The following TAOK3 variants were observed in gnomAD, a reference collection of about 807,000 sequenced individuals.
The protein encoded by TAOK3 is TAO kinase 3.
Under a neutral mutation model 120.4 loss-of-function variants are expected in TAOK3, and 40 were observed. That is an observed-to-expected ratio of 0.33 (90% CI 0.26 to 0.43). TAOK3 has a LOEUF of 0.43. Among genes scored for constraint, TAOK3 ranks in the 20% least tolerant of loss-of-function variants. The pLI, the probability that TAOK3 is intolerant of heterozygous loss-of-function variation, is 1.00. For synonymous variants in TAOK3, 355 were observed against 387.5 expected, an observed-to-expected ratio of 0.92 and a Z score of 0.99; for missense variants, 821 against 1,112.1, an observed-to-expected ratio of 0.74 and a Z score of 3.72.
chr12:118,182,240 T>A (rs969122320), intron 14 of TAOK3, among the ~76,000 whole-genome samples: 2 of 152,062 alleles, frequency 1.3e-5, no homozygotes, highest in Non-Finnish European at 2.9e-5. Context: ...GTTTACATAT[T>A]TTTGATATAC....
At chr12:118,165,177 A>C (rs1168657852) in intron 17 of TAOK3, among the ~76,000 whole-genome samples, 1 of 151,964 alleles carries the variant, frequency 6.6e-6, no homozygotes, top group African/African-American at 2.4e-5. Flanking sequence ...TAGACCATCA[A>C]ATTTCTTTTT....
chr12:118,195,966 C>T (rs569396098), intron 13 of TAOK3, among the ~76,000 whole-genome samples: 135 of 152,162 alleles, frequency 8.9e-4, no homozygotes, highest in Middle Eastern at 3.4e-3. Context: ...AGGAGAATGG[C>T]GTGAACGCAG....
chr12:118,369,651 T>G (rs1228082391), intron 1 of TAOK3, among the ~76,000 whole-genome samples: 1 of 152,224 alleles, frequency 6.6e-6, no homozygotes, highest in Non-Finnish European at 1.5e-5. Flanking sequence ...ATACATTATA[T>G]GCATTGCAAA....
chr12:118,367,782 G>C (rs549310065), intron 1 of TAOK3, among the ~76,000 whole-genome samples: 12 of 150,378 alleles, frequency 8.0e-5, no homozygotes, highest in African/African-American at 2.9e-4. Flanking sequence ...TTTTTTTGGC[G>C]GGGGGTGGGG....
At chr12:118,287,769 C>CT (rs1234675277) in intron 1 of TAOK3, among the ~76,000 whole-genome samples, 3 of 152,124 alleles carry the variant, frequency 2.0e-5, no homozygotes, top group African/African-American at 7.2e-5. Context: ...ACAACATACT[C>CT]TGAGTTCAAT....
chr12:118,162,108 C>A lies in TAOK3; in HGVS notation c.1900-81G>T, dbSNP rs1043107178. ...GAATGCACAACTAAGTGAGGGAGGG[C>A]AAGGAATGGCACTGCTAACCATCTC... is the stretch of plus-strand genomic sequence containing the variant. On this transcript the variant is annotated intron_variant, in intron 17 of 20. Transcript: ENST00000392533. 4 of 1,538,682 alleles carry A rather than the reference C, an allele frequency of 2.6e-6. No homozygotes were observed. In the African/African-American group the frequency reaches 5.5e-5, roughly 21 times the overall value.
intron 19 of TAOK3, chr12:118,152,816 G>A (rs2034547164): frequency 6.2e-6 from 1 of 161,216 alleles, no homozygotes. Flanking sequence ...CCTGAGATTG[G>A]TGGGAGGATT....
chr12:118,190,083 G>T, intron 13 of TAOK3, 142 bp from the exon 14 acceptor site: 1 of 1,016,188 alleles, frequency 9.8e-7, no homozygotes. Context: ...CAGCTCCCAC[G>T]GTACAAAATG....
Position 118,230,250 on chromosome 12 carries a change from C to T in TAOK3, c.643+3424G>A, listed in dbSNP as rs78899873. Among the ~76,000 whole-genome samples the T allele has an allele frequency of 3.3e-4, 50 of 152,082 alleles. No individual in the cohort carries two copies. In the East Asian group the frequency reaches 8.5e-3, roughly 26 times the overall value. ...CCATCATTTCCCCATTGATCTGTAA[C>T]GGCTTTTGTGTCTTATACCAAAATC... On this transcript the variant is annotated intron_variant, in intron 9 of 20. Coordinates refer to ENST00000392533, the MANE Select transcript of TAOK3 (RefSeq NM_016281.4).
intron 1 of TAOK3, among the ~76,000 whole-genome samples, chr12:118,335,212 G>C (rs1430979893): frequency 1.3e-5 from 2 of 149,440 alleles, no homozygotes; most frequent in Non-Finnish European, 3.0e-5. Context: ...TCTGTTTCAA[G>C]AGTAAATCAC....
chr12:118,182,623 A>ATATTT (rs371125415), intron 14 of TAOK3, among the ~76,000 whole-genome samples: 16 of 92,386 alleles, frequency 1.7e-4, no homozygotes, highest in African/African-American at 6.4e-4. Flanking sequence ...ATATATATAT[A>ATATTT]TTTTTTTTTT....
At chr12:118,344,454 C>T (rs1254822260) in intron 1 of TAOK3, among the ~76,000 whole-genome samples, 1 of 151,918 alleles carries the variant, frequency 6.6e-6, no homozygotes, top group African/African-American at 2.4e-5. Context: ...AAGCAGTGTT[C>T]ACATCAACAA....
chr12:118,319,381 T>C (rs2043605606), intron 1 of TAOK3, among the ~76,000 whole-genome samples: 1 of 152,150 alleles, frequency 6.6e-6, no homozygotes, highest in Admixed American at 6.6e-5. Context: ...GAGAAAATAT[T>C]TGCAAATCAT....
chr12:118,177,052 T>C (rs530492144), intron 16 of TAOK3, 149 bp downstream of exon 16: 14 of 784,006 alleles, frequency 1.8e-5, no homozygotes, highest in East Asian at 8.9e-5. Flanking sequence ...CAGGTGTGAG[T>C]CACTGTGCCC....
intron 2 of TAOK3, among the ~76,000 whole-genome samples, chr12:118,260,509 C>T (rs2041180226): frequency 6.6e-6 from 1 of 151,930 alleles, no homozygotes; most frequent in Non-Finnish European, 1.5e-5. Flanking sequence ...ATAATTGAAA[C>T]CAAACCATAA....
rs565826166 is a variant in TAOK3, at chr12:118,221,783, C to T, written c.644-7673G>A. Among the ~76,000 whole-genome samples the T allele has an allele frequency of 2.8e-3, 426 of 151,678 alleles. 2 individuals carry two copies. Among genetic ancestry groups the T allele is most frequent in the South Asian group, 0.01 (49 of 4,778 alleles). On this transcript the variant is annotated intron_variant, in intron 9 of 20. Transcript: ENST00000392533. ...CCGAGTAGCTGGGACTACAGGTGCCCGCCACCACGCCCGGCTAATTTTTTG... is the reference window on the plus strand; with the variant it reads ...CCGAGTAGCTGGGACTACAGGTGCCTGCCACCACGCCCGGCTAATTTTTTG...
chr12:118,194,325 C>T (rs529163935), intron 13 of TAOK3, among the ~76,000 whole-genome samples: 1 of 151,840 alleles, frequency 6.6e-6, no homozygotes, highest in Non-Finnish European at 1.5e-5. Context: ...AAAGCTGGGG[C>T]TGGAGGAAGG....
chr12:118,216,506 C>T (rs1252787637), intron 9 of TAOK3, among the ~76,000 whole-genome samples: 5 of 152,108 alleles, frequency 3.3e-5, no homozygotes, highest in Non-Finnish European at 7.3e-5. Flanking sequence ...ACTTATTCCC[C>T]CAGAATTTGT....
chr12:118,226,768 G>A (rs1466014998), intron 9 of TAOK3, among the ~76,000 whole-genome samples: 1 of 152,038 alleles, frequency 6.6e-6, no homozygotes, highest in Non-Finnish European at 1.5e-5. Context: ...TGCAATCAAA[G>A]GCTGATACAG....
Sources: gnomAD v4.1 joint callset for allele counts (sites outside exome capture counted in the v4.1 genomes callset) on GRCh38, gnomAD v4.1.1 for gene constraint, MANE v1.5 for transcripts, NCBI Gene and HGNC (gene_info 2026-07-23, HGNC 2026-07-21) for gene names.